Variants in SCAPER observed in about 807,000 individuals in gnomAD.
SCAPER encodes the protein S phase cyclin A-associated protein in the endoplasmic reticulum.
A neutral mutation model predicts 182.2 loss-of-function variants in SCAPER; 98 were observed. The observed-to-expected ratio is 0.54, with a 90% CI of 0.46 to 0.64. SCAPER has a LOEUF of 0.64. Among genes scored for constraint, SCAPER ranks in the 30% least tolerant of loss-of-function variants. The pLI, the probability that SCAPER is intolerant of heterozygous loss-of-function variation, is 0.00. For synonymous variants in SCAPER, 605 were observed against 564.6 expected (o/e 1.07, Z -1.01); for missense variants, 1,432 against 1,690.0 (o/e 0.85, Z 2.68).
intron 20 of SCAPER, among the ~76,000 whole-genome samples, chr15:76,692,196 A>G (rs1242214214): frequency 1.3e-5 from 2 of 152,178 alleles, no homozygotes; most frequent in Non-Finnish European, 2.9e-5. Context: ...CTTATACCTT[A>G]AGAGAATGTG....
intron 8 of SCAPER, among the ~76,000 whole-genome samples, chr15:76,775,938 T>G (rs2063720511): frequency 6.6e-6 from 1 of 152,220 alleles, no homozygotes; most frequent in South Asian, 2.1e-4. Flanking sequence ...AAATTTTTAT[T>G]GGCTAATTAC....
intron 17 of SCAPER, among the ~76,000 whole-genome samples, chr15:76,709,367 C>G (rs1264798564): frequency 2.0e-5 from 3 of 152,102 alleles, no homozygotes; most frequent in Admixed American, 6.5e-5. Context: ...ATCTCTTGAC[C>G]TCATGATCCA....
chr15:76,722,773 A>G (rs886861781), intron 17 of SCAPER, among the ~76,000 whole-genome samples: 2 of 151,998 alleles, frequency 1.3e-5, no homozygotes, highest in African/African-American at 4.8e-5. Context: ...CGGTGGTGAT[A>G]TCTCCTTTGT....
rs1280328725 is a variant in SCAPER at position 76,504,898 on chromosome 15, G to A, written c.2915C>T (p.Pro972Leu). ...TAAAACTGTGTTCACATTTGTGGCTGGGACTACTGCTTGAAGGATGTGTTC... is the reference window on the plus strand; with the variant it reads ...TAAAACTGTGTTCACATTTGTGGCTAGGACTACTGCTTGAAGGATGTGTTC... ...ALEHILQAVVPATNVNTVLRI... is the reference protein window; with the variant it reads ...ALEHILQAVVLATNVNTVLRI... Residue 972 changes from proline to leucine, a missense_variant, in exon 24 of 32, where the codon CCA becomes CTA. Pro to Leu is a moderately conservative substitution (Grantham distance 98). This residue lies in a region of SCAPER where 718 missense variants were observed against 799.7 expected (regional missense o/e 0.90). Transcript: ENST00000563290. 6.2e-7 allele frequency: 1 copy of A among 1,612,208 alleles called. No individual in the cohort carries two copies. Among genetic ancestry groups the A allele is most frequent in the Admixed American group, 1.7e-5 (1 of 59,670 alleles).
chr15:76,840,831 C>T (rs938018475), intron 5 of SCAPER, among the ~76,000 whole-genome samples: 1 of 152,196 alleles, frequency 6.6e-6, no homozygotes, highest in Non-Finnish European at 1.5e-5. Flanking sequence ...AGACACTCTA[C>T]ACCATGTGTC....
chr15:76,676,437 C>T (rs1462081667), intron 20 of SCAPER, among the ~76,000 whole-genome samples: 2 of 152,144 alleles, frequency 1.3e-5, no homozygotes, highest in Non-Finnish European at 2.9e-5. Flanking sequence ...AACAATCTAC[C>T]TTGCTAAACA....
intron 2 of SCAPER, among the ~76,000 whole-genome samples, chr15:76,876,336 G>A (rs1040067239): frequency 6.6e-6 from 1 of 151,874 alleles, no homozygotes; most frequent in Non-Finnish European, 1.5e-5. Context: ...CACCAAGAGT[G>A]AGCGAGGGCT....
At chr15:76,687,421 C>T (rs974619735) in intron 20 of SCAPER, among the ~76,000 whole-genome samples, 1 of 152,054 alleles carries the variant, frequency 6.6e-6, no homozygotes, top group Non-Finnish European at 1.5e-5. Context: ...AAAGAATAGT[C>T]CTCATATTGG....
chr15:76,831,007 A>G (rs972408412), intron 5 of SCAPER, among the ~76,000 whole-genome samples: 1 of 152,140 alleles, frequency 6.6e-6, no homozygotes, highest in East Asian at 1.9e-4. Flanking sequence ...CCCTCACCAA[A>G]GACCTGCAGG....
chr15:76,415,339 A>G (rs944471859), intron 26 of SCAPER, among the ~76,000 whole-genome samples: 4 of 152,204 alleles, frequency 2.6e-5, no homozygotes, highest in South Asian at 2.1e-4. Context: ...TGCATTTATT[A>G]TATCATCCAT....
intron 24 of SCAPER, among the ~76,000 whole-genome samples, chr15:76,488,447 A>G (rs1208602071): frequency 2.6e-5 from 4 of 152,184 alleles, no homozygotes; most frequent in Non-Finnish European, 4.4e-5. Context: ...GGCATATGTC[A>G]TACTCAGTTT....
chr15:76,835,933 C>CAAAAAAAAAAAAAA (rs35242954), intron 5 of SCAPER, among the ~76,000 whole-genome samples: 1 of 94,306 alleles, frequency 1.1e-5, no homozygotes. Flanking sequence ...ACATTAGCCA[C>CAAAAAAAAAAAAAA]AAAAAAAAAA....
At chr15:76,521,256 G>A (rs570870489) in intron 23 of SCAPER, among the ~76,000 whole-genome samples, 4 of 152,056 alleles carry the variant, frequency 2.6e-5, no homozygotes, top group Admixed American at 2.0e-4. Flanking sequence ...GCTTTTTATG[G>A]TATATTTTAT....
At chr15:76,753,333 T>C (rs901352252) in intron 15 of SCAPER, among the ~76,000 whole-genome samples, 5 of 151,826 alleles carry the variant, frequency 3.3e-5, no homozygotes, top group Admixed American at 1.3e-4. Flanking sequence ...ATGGATGAAG[T>C]TCAAAGTAAC....
intron 22 of SCAPER, among the ~76,000 whole-genome samples, chr15:76,609,152 G>A (rs748935855): frequency 1.3e-5 from 2 of 151,982 alleles, no homozygotes; most frequent in Non-Finnish European, 2.9e-5. Context: ...GTTCCTATTC[G>A]GCCATCTTGG....
chr15:76,627,041 G>A (rs1215728660), intron 21 of SCAPER, among the ~76,000 whole-genome samples: 1 of 152,086 alleles, frequency 6.6e-6, no homozygotes, highest in Non-Finnish European at 1.5e-5. Flanking sequence ...TGATGATTTG[G>A]TTTTCAGATG....
intron 26 of SCAPER, among the ~76,000 whole-genome samples, chr15:76,421,614 T>C (rs1385214015): frequency 6.6e-6 from 1 of 152,214 alleles, no homozygotes; most frequent in Admixed American, 6.5e-5. Flanking sequence ...GTGCAGAAGC[T>C]CTTTAGTTTA....
At chr15:76,511,871 G>GTGTGTGTGTA (rs1254821810) in intron 23 of SCAPER, among the ~76,000 whole-genome samples, 28 of 100,676 alleles carry the variant, frequency 2.8e-4, no homozygotes, top group African/African-American at 1.1e-3. Flanking sequence ...GTGTGTGTGT[G>GTGTGTGTGTA]TATATATATA....
At chr15:76,432,912 A>C (rs1337169156) in intron 26 of SCAPER, among the ~76,000 whole-genome samples, 2 of 152,238 alleles carry the variant, frequency 1.3e-5, no homozygotes, top group Admixed American at 6.5e-5. Context: ...ACAAAGCTTA[A>C]GTTAGAAATA....
Sources: allele counts gnomAD v4.1 joint callset (sites outside exome capture counted in the v4.1 genomes callset), GRCh38; gene constraint gnomAD v4.1.1; regional missense constraint gnomAD v4.1.1; transcripts MANE v1.5; gene names NCBI Gene and HGNC (gene_info 2026-07-23, HGNC 2026-07-21).